The following SGCD variants were observed in gnomAD, a reference collection of about 807,000 sequenced individuals.
SGCD encodes the protein sarcoglycan delta.
In SGCD, 18 loss-of-function variants were observed where a neutral mutation model predicts 36.6. That is an observed-to-expected ratio of 0.49 (90% CI 0.34 to 0.73). The LOEUF (loss-of-function observed/expected upper bound fraction) is 0.73. Ranked by LOEUF, SGCD falls within the 30% of genes least tolerant of loss-of-function variation. The pLI is 0.01. For missense variants in SGCD, 387 were observed against 346.7 expected (o/e 1.12, Z -0.92); for synonymous variants, 133 against 130.6 (o/e 1.02, Z -0.12).
intron 1 of SGCD, among the ~76,000 whole-genome samples, chr5:155,955,063 C>A (rs1341363229): frequency 6.6e-6 from 1 of 152,122 alleles, no homozygotes; most frequent in Non-Finnish European, 1.5e-5. Flanking sequence ...GAGGGTCAGC[C>A]TTTTTGTTCC....
chr5:156,042,718 G>T (rs1475810685), intron 1 of SGCD, among the ~76,000 whole-genome samples: 4 of 152,148 alleles, frequency 2.6e-5, no homozygotes, highest in Non-Finnish European at 2.9e-5. Context: ...GGCCTGGGGG[G>T]AGCCATCAGT....
intron 1 of SGCD, among the ~76,000 whole-genome samples, chr5:156,013,661 C>T (rs1276881654): frequency 6.6e-6 from 1 of 151,962 alleles, no homozygotes; most frequent in Non-Finnish European, 1.5e-5. Context: ...ATTGATTCTT[C>T]ATGTCTTTTG....
the SGCD span, among the ~76,000 whole-genome samples, chr5:155,739,471 A>T: frequency 2.0e-5 from 3 of 152,228 alleles, no homozygotes; most frequent in African/African-American, 7.2e-5. Context: ...ATGTATAACC[A>T]TGTAATAAAA....
intron 3 of SGCD, among the ~76,000 whole-genome samples, chr5:156,284,718 A>C (rs546976925): frequency 0.014 from 2,128 of 152,306 alleles, 23 homozygotes; most frequent in Non-Finnish European, 0.024. Context: ...CCAATATCAT[A>C]CTGAATGGGC....
At position 156,269,535 on chromosome 5, in the gene SGCD, C is replaced by T. The variant is rs138340547; in HGVS notation, c.-43-59999C>T. Among the ~76,000 whole-genome samples, 258 of 126,376 alleles carry T rather than the reference C, an allele frequency of 2.0e-3. No individual in the cohort carries two copies. The Middle Eastern group carries it at 0.026, about 13-fold the overall frequency. 82.9% of individuals were successfully genotyped at this position (126,376 alleles called of 152,430 possible). The stretch of plus-strand genomic sequence containing the variant: ...ACCATCAGATCTCATGAAACTTATT[C>T]ACTATCATGAGGATAGCATGGGAAA... On this transcript the variant is annotated intron_variant, in intron 3 of 9. Transcript: ENST00000517913.
At chr5:156,406,758 GT>G (rs1243978419) in intron 3 of SGCD, among the ~76,000 whole-genome samples, 47 of 140,522 alleles carry the variant, frequency 3.3e-4, no homozygotes, top group Admixed American at 4.4e-4. Flanking sequence ...CTGTATTAGG[GT>G]TTTCTAGAGG....
At chr5:155,926,739 G>GTTT (rs1757003487) in intron 1 of SGCD, among the ~76,000 whole-genome samples, 1 of 152,102 alleles carries the variant, frequency 6.6e-6, no homozygotes, top group Non-Finnish European at 1.5e-5. Flanking sequence ...ATACACATCT[G>GTTT]TACCCATTAA....
intron 1 of SGCD, among the ~76,000 whole-genome samples, chr5:155,969,270 C>T (rs1757963194): frequency 6.6e-6 from 1 of 151,956 alleles, no homozygotes; most frequent in South Asian, 2.1e-4. Flanking sequence ...TTAACTGATA[C>T]AAATATGCAA....
intron 3 of SGCD, among the ~76,000 whole-genome samples, chr5:156,496,992 AT>A (rs1756222101): frequency 6.6e-6 from 1 of 152,168 alleles, no homozygotes; most frequent in South Asian, 2.1e-4. Flanking sequence ...TTAATCCTCA[AT>A]TTAGAAGTTA....
chr5:155,913,097 C>T (rs1412380483), intron 1 of SGCD, among the ~76,000 whole-genome samples: 1 of 152,144 alleles, frequency 6.6e-6, no homozygotes, highest in East Asian at 1.9e-4. Flanking sequence ...TGATTCCTGA[C>T]AGTCTTTCCT....
intron 3 of SGCD, among the ~76,000 whole-genome samples, chr5:156,412,036 C>G (rs34301720): frequency 5.9e-5 from 9 of 152,208 alleles, no homozygotes; most frequent in Non-Finnish European, 1.2e-4. Context: ...ATAAGGCAGT[C>G]TGGAATCCAA....
intron 6 of SGCD, among the ~76,000 whole-genome samples, chr5:156,595,713 T>C (rs771432173): frequency 6.6e-6 from 1 of 152,232 alleles, no homozygotes; most frequent in Non-Finnish European, 1.5e-5. Context: ...GCATACATGA[T>C]GCAGTGATTC....
chr5:155,792,103 A>G, the SGCD span, among the ~76,000 whole-genome samples: 11 of 152,252 alleles, frequency 7.2e-5, no homozygotes, highest in South Asian at 1.2e-3. Flanking sequence ...AAATAAAGCC[A>G]CACATCTACA....
intron 3 of SGCD, among the ~76,000 whole-genome samples, chr5:156,304,531 T>G (rs1020190391): frequency 6.6e-6 from 1 of 152,234 alleles, no homozygotes; most frequent in Non-Finnish European, 1.5e-5. Flanking sequence ...TTAAACCTTT[T>G]TGTTTTGTAA....
chr5:156,087,261 A>C (rs1761121537), intron 1 of SGCD, among the ~76,000 whole-genome samples: 2 of 152,284 alleles, frequency 1.3e-5, no homozygotes, highest in South Asian at 4.1e-4. Context: ...AGGGCTAATG[A>C]GATATTTCCC....
chr5:156,105,086 G>A lies in SGCD; in HGVS notation c.-281-12792G>A, dbSNP rs1026215330. Among the ~76,000 whole-genome samples the A allele has an allele frequency of 2.0e-5, 3 of 152,080 alleles. 1 individual carries two copies. In the South Asian group the frequency reaches 6.2e-4, roughly 31 times the overall value. On this transcript the variant is annotated intron_variant, in intron 1 of 9. Coordinates refer to the SGCD transcript ENST00000517913. ...GGTGCAGCATACCAACATGGCAAATGTATACATATGTAACAAACCTGCACG... is the reference window on the plus strand; with the variant it reads ...GGTGCAGCATACCAACATGGCAAATATATACATATGTAACAAACCTGCACG...
At chr5:155,971,092 A>G (rs1478012674) in intron 1 of SGCD, among the ~76,000 whole-genome samples, 4 of 152,014 alleles carry the variant, frequency 2.6e-5, no homozygotes, top group African/African-American at 9.7e-5. Flanking sequence ...GAGCTTATGA[A>G]TTTTTTTCTT....
intron 3 of SGCD, among the ~76,000 whole-genome samples, chr5:156,202,080 T>C (rs761223434): frequency 2.6e-5 from 4 of 152,160 alleles, no homozygotes; most frequent in African/African-American, 4.8e-5. Flanking sequence ...AGAACTCTCA[T>C]TGAAAACATT....
At chr5:156,504,395 T>TATAC (rs1245719111) in intron 3 of SGCD, among the ~76,000 whole-genome samples, 11 of 12,202 alleles carry the variant, frequency 9.0e-4, no homozygotes, top group Non-Finnish European at 1.5e-3. Flanking sequence ...TGTGTGTGTA[T>TATAC]ATATATATAT....
Sources: allele counts gnomAD v4.1 joint callset (sites outside exome capture counted in the v4.1 genomes callset), GRCh38; gene constraint gnomAD v4.1.1; transcripts MANE v1.5; gene names NCBI Gene and HGNC (gene_info 2026-07-23, HGNC 2026-07-21).